The following NSMCE4A variants were observed in gnomAD, a reference collection of about 807,000 sequenced individuals.
NSMCE4A encodes the protein non-structural maintenance of chromosomes element 4 homolog A.
A neutral mutation model predicts 47.9 loss-of-function variants in NSMCE4A; 40 were observed. The observed-to-expected ratio is 0.83, with a 90% CI of 0.65 to 1.09. The LOEUF (loss-of-function observed/expected upper bound fraction) is 1.09. Ranked by LOEUF, NSMCE4A falls within the 50% of genes least tolerant of loss-of-function variation. The pLI is 0.00. For synonymous variants in NSMCE4A, 166 were observed against 178.5 expected, an observed-to-expected ratio of 0.93 and a Z score of 0.56; for missense variants, 500 against 507.0, an observed-to-expected ratio of 0.99 and a Z score of 0.13.
chr10:121,960,362 T>C lies in NSMCE4A; in HGVS notation c.984A>G (p.Val328=). The C allele has an allele frequency of 6.7e-7, 1 of 1,494,110 alleles. No individual in the cohort carries two copies. The highest frequency in any genetic ancestry group is 1.5e-5 in the African/African-American group (1 of 67,724). The allele number at this position is 1,494,110 out of a possible 1,614,324, so 92.6% of individuals were successfully genotyped here. A position where few individuals can be genotyped will look rare whatever the true frequency, so the allele number is the denominator to read the frequency against. Residue 328 remains valine (V), a synonymous_variant, in exon 8 of 11, where the codon GTA becomes GTG. Transcript: ENST00000369023. This position sits in a 1 kb window ranked among gnomAD's most constrained non-coding sequence, Gnocchi z 4.2. ...TCCAAACATAGTATCATTTACCTATTACTGGCAGTCGGTCTTGGTCAAGTC... is the reference window on the plus strand; with the variant it reads ...TCCAAACATAGTATCATTTACCTATCACTGGCAGTCGGTCTTGGTCAAGTC... The part of the protein sequence containing the change: ...RIRLDQDRLP[V]IEPVSINEEN...
Position 121,967,663 on chromosome 10 carries a change from G to T in NSMCE4A, c.645C>A (p.Phe215Leu), listed in dbSNP as rs1177774536. ...TTTTAAAATAATCTTACAGAAAGTG[G>T]AATGTATGGGTTTTATTAAAGGTGT... ...AENTFNKTHT[F>L]HFLLGSIYGE... The change falls in exon 4 of 11, where the codon TTC becomes TTA. Residue 215 changes from phenylalanine to leucine, a missense_variant. Phe to Leu is a conservative substitution (Grantham distance 22). Coordinates refer to ENST00000369023, the MANE Select transcript of NSMCE4A (RefSeq NM_017615.3). The T allele has an allele frequency of 2.5e-6, 4 of 1,605,196 alleles. No individual in the cohort carries two copies. Among genetic ancestry groups the T allele is most frequent in the Non-Finnish European group, 2.5e-6 (3 of 1,178,096 alleles).
chr10:121,959,292 G>C (rs748109524), intron 10 of NSMCE4A, 32 bp downstream of exon 10: 2 of 1,562,356 alleles, frequency 1.3e-6, no homozygotes, highest in Non-Finnish European at 1.8e-6. Flanking sequence ...AACTTTAATA[G>C]AACTGTGTAG....
chr10:121,961,349 C>T (rs1374680787), intron 7 of NSMCE4A, 74 bp downstream of exon 7: 1 of 1,018,014 alleles, frequency 9.8e-7, no homozygotes, highest in Non-Finnish European at 1.4e-6. Context: ...TTTGCCAGCT[C>T]CCTTCTACAG....
chr10:121,970,476 GAAAAAAAAAAA>G (rs57421744), intron 3 of NSMCE4A, among the ~76,000 whole-genome samples: 2 of 101,904 alleles, frequency 2.0e-5, no homozygotes, highest in South Asian at 3.0e-4. Flanking sequence ...TGTCTCAAAG[GAAAAAAAAAAA>G]AAAAAAAAAA....
At chr10:121,974,548 G>C in intron 1 of NSMCE4A, 1 of 1,015,836 alleles carries the variant, frequency 9.8e-7, no homozygotes, top group South Asian at 4.6e-5. Context: ...GAGGACTGCC[G>C]GGCGCAATCA....
At chr10:121,968,721 C>T (rs1952651099) in intron 3 of NSMCE4A, among the ~76,000 whole-genome samples, 2 of 152,204 alleles carry the variant, frequency 1.3e-5, no homozygotes, top group South Asian at 4.1e-4. Flanking sequence ...CATATATAAA[C>T]AATAATCACA....
At chr10:121,974,643 T>G in intron 1 of NSMCE4A, 1 of 1,077,476 alleles carries the variant, frequency 9.3e-7, no homozygotes, top group African/African-American at 1.7e-5. Flanking sequence ...CTCCAGCTTT[T>G]CCAGCCCGCC....
intron 3 of NSMCE4A, among the ~76,000 whole-genome samples, chr10:121,970,050 A>C (rs1952678011): frequency 6.6e-6 from 1 of 152,212 alleles, no homozygotes; most frequent in South Asian, 2.1e-4. Context: ...ACAAAGTGAG[A>C]TACAAGGTCA....
intron 6 of NSMCE4A, 51 bp from the exon 7 acceptor site, chr10:121,961,568 A>G (rs767779122): frequency 1.8e-6 from 2 of 1,087,064 alleles, no homozygotes; most frequent in African/African-American, 3.2e-5. Context: ...CATTAATATC[A>G]GTACACTCTA....
intron 3 of NSMCE4A, among the ~76,000 whole-genome samples, chr10:121,969,870 C>T (rs1952674631): frequency 6.6e-6 from 1 of 152,046 alleles, no homozygotes; most frequent in Non-Finnish European, 1.5e-5. Flanking sequence ...CGCCTGCCAC[C>T]ACACCCAGCT....
At chr10:121,973,475 T>C (rs1952756528) in intron 2 of NSMCE4A, among the ~76,000 whole-genome samples, 1 of 151,992 alleles carries the variant, frequency 6.6e-6, no homozygotes, top group Admixed American at 6.6e-5. Flanking sequence ...TGGCCTAGAG[T>C]TCAGTGCTCT....
chr10:121,975,015 CTG>C lies in NSMCE4A; in HGVS notation c.149_150del (p.Pro50ArgfsTer51). On this transcript the variant is annotated frameshift_variant, in exon 1 of 11. Coordinates refer to ENST00000369023, the MANE Select transcript of NSMCE4A (RefSeq NM_017615.3). LOFTEE classifies it high-confidence loss of function. ...TCTGTGTCCTCCAGGCTCGGGCGCT[CTG>C]GGGCCTCTCTGCGCTCCCGCGCAGA... is the stretch of plus-strand genomic sequence containing the variant. ...RGSARERREA[P>X]ERPSLEDTEP... is the part of the protein sequence containing the mutation. The C allele has an allele frequency of 6.7e-7, 1 of 1,502,860 alleles. No individual in the cohort carries two copies. Among genetic ancestry groups the C allele is most frequent in the Non-Finnish European group, 8.8e-7 (1 of 1,130,376 alleles). The allele number at this position is 1,502,860 out of a possible 1,614,324, so 93.1% of individuals were successfully genotyped here.
chr10:121,963,426 C>T (rs1952539211), intron 5 of NSMCE4A, 98 bp from the exon 6 acceptor site: 3 of 661,130 alleles, frequency 4.5e-6, no homozygotes, highest in Admixed American at 5.7e-5. Flanking sequence ...CTCTCTTGCA[C>T]ACCCGAACTC....
At chr10:121,963,668 G>A (rs1477353747) in intron 5 of NSMCE4A, among the ~76,000 whole-genome samples, 1 of 151,450 alleles carries the variant, frequency 6.6e-6, no homozygotes, top group African/African-American at 2.4e-5. Flanking sequence ...TTTTAGATAT[G>A]GGGTCTTGCT....
intron 6 of NSMCE4A, 91 bp from the exon 7 acceptor site, chr10:121,961,608 T>TACTC: frequency 1.4e-6 from 1 of 735,812 alleles, no homozygotes. Flanking sequence ...AAAGGATGTG[T>TACTC]ACTCATTCCT....
chr10:121,957,134 T>A lies in NSMCE4A; in HGVS notation c.*138A>T, dbSNP rs891996216. ...AGTTTCCTTTAATCAAAGACAACCA[T>A]GACAAATTTATTAACTATCAAAAGC... On this transcript the variant is annotated 3_prime_UTR_variant, in exon 11 of 11. Coordinates refer to ENST00000369023, the MANE Select transcript of NSMCE4A (RefSeq NM_017615.3). 6.6e-6 allele frequency: 1 copy of A among 152,610 alleles called. No homozygotes were observed. Among genetic ancestry groups the A allele is most frequent in the Non-Finnish European group, 1.5e-5 (1 of 68,038 alleles). The allele number at this position is 152,610 out of a possible 1,614,324, so 9.5% of individuals were successfully genotyped here.
At position 121,973,101 on chromosome 10, in the gene NSMCE4A, T is replaced by C. The variant is rs560240647; in HGVS notation, c.370+903A>G. Among the ~76,000 whole-genome samples, 24 of 152,160 alleles carry C rather than the reference T, an allele frequency of 1.6e-4. 1 individual carries two copies. Among genetic ancestry groups the C allele is most frequent in the Admixed American group, 1.5e-3 (23 of 15,284 alleles). On this transcript the variant is annotated intron_variant, in intron 2 of 10. Transcript: ENST00000369023. The stretch of plus-strand genomic sequence containing the variant: ...AAATACAAAAATTAGCTGGGTGTGA[T>C]GGAGCACACCTGTAATCCCAGCTAC...
At chr10:121,974,710 T>G (rs1952783978) in intron 1 of NSMCE4A, 164 bp downstream of exon 1, 1 of 1,128,452 alleles carries the variant, frequency 8.9e-7, no homozygotes, top group Non-Finnish European at 1.1e-6. Context: ...GAGCACTTTG[T>G]CAACAATTTA....
At position 121,975,174 on chromosome 10, in the gene NSMCE4A, T is replaced by C; in HGVS notation, c.-9A>G. ...CTGCTGTCCCCAGACATAGCGCCAA[T>C]TCACCGTGCAACTTCGGAACGGCGG... On this transcript the variant is annotated 5_prime_UTR_variant, in exon 1 of 11. Coordinates refer to ENST00000369023, the MANE Select transcript of NSMCE4A (RefSeq NM_017615.3). 1 of 1,369,540 alleles carries C rather than the reference T, an allele frequency of 7.3e-7. No homozygotes were observed. The highest frequency in any genetic ancestry group is 9.4e-7 in the Non-Finnish European group (1 of 1,068,830). The allele number at this position is 1,369,540 out of a possible 1,614,324, so 84.8% of individuals were successfully genotyped here. A position where few individuals can be genotyped will look rare whatever the true frequency, so the allele number is the denominator to read the frequency against.
Sources: allele counts gnomAD v4.1 joint callset (sites outside exome capture counted in the v4.1 genomes callset), GRCh38; gene constraint gnomAD v4.1.1; non-coding constraint Gnocchi (gnomAD v3.1); transcripts MANE v1.5; gene names NCBI Gene and HGNC (gene_info 2026-07-23, HGNC 2026-07-21).